ZNF90: variants seen among roughly 807,000 people sequenced by gnomAD.
ZNF90 encodes the protein zinc finger protein 90.
In ZNF90, 11 loss-of-function variants were observed where a neutral mutation model predicts 12.0. The observed-to-expected ratio is 0.92, with a 90% CI of 0.58 to 1.52. The LOEUF (loss-of-function observed/expected upper bound fraction) is 1.52. ZNF90 is among the 40% of genes most tolerant of loss of function. The pLI is 0.00. For missense variants in ZNF90, 765 were observed against 711.5 expected (o/e 1.08, Z -0.86); for synonymous variants, 232 against 240.1 (o/e 0.97, Z 0.31).
At chr19:20,113,605 G>A (rs759292782) in intron 3 of ZNF90, among the ~76,000 whole-genome samples, 5 of 152,036 alleles carry the variant, frequency 3.3e-5, no homozygotes, top group Non-Finnish European at 7.4e-5. Context: ...CAAGACGGGC[G>A]GATCATGAGG....
intron 3 of ZNF90, among the ~76,000 whole-genome samples, chr19:20,113,790 T>C (rs1205762298): frequency 6.6e-6 from 1 of 152,050 alleles, no homozygotes; most frequent in Non-Finnish European, 1.5e-5. Context: ...ATCGCGCCAC[T>C]GCACTCCAGC....
Position 20,119,204 on chromosome 19 carries a change from A to G in ZNF90, c.1650A>G (p.Ser550=). 1 of 1,613,818 alleles carries G rather than the reference A, an allele frequency of 6.2e-7. No individual in the cohort carries two copies. The highest frequency in any genetic ancestry group is 8.5e-7 in the Non-Finnish European group (1 of 1,179,916). The stretch of plus-strand genomic sequence containing the variant: ...GTGGCAAAGCCTTTAAGCGCTCCTC[A>G]CAGCTTACTAGTCATAAGATAAGTC... The part of the protein sequence containing the change: ...EECGKAFKRS[S]QLTSHKISHT... Residue 550 remains serine (S), a synonymous_variant, in exon 4 of 4, where the codon TCA becomes TCG. Transcript: ENST00000418063.
At chr19:20,082,606 C>T (rs993106015) in intron 1 of ZNF90, among the ~76,000 whole-genome samples, 1 of 152,172 alleles carries the variant, frequency 6.6e-6, no homozygotes, top group South Asian at 2.1e-4. Context: ...TCCCTAATCT[C>T]AAGTGCCCAG....
At chr19:20,106,044 CTTTTTTT>C (rs56933917) in intron 3 of ZNF90, among the ~76,000 whole-genome samples, 1,623 of 71,180 alleles carry the variant, frequency 0.023, 14 homozygotes, top group African/African-American at 0.078. Flanking sequence ...CTAATTTTTT[CTTTTTTT>C]TTTTTTTTTT....
chr19:20,107,823 A>G (rs1159327254), intron 3 of ZNF90, among the ~76,000 whole-genome samples: 3 of 152,188 alleles, frequency 2.0e-5, no homozygotes, highest in African/African-American at 7.2e-5. Flanking sequence ...AGTGAATTAC[A>G]TAATTATTGG....
In ZNF90 at chr19:20,118,263, GAATT is replaced by G. The variant is rs781905801; in HGVS notation, c.712_715del (p.Leu238SerfsTer28). ...GTACAAATGTGAAGATTGTGGCAAA[GAATT>G]AAAGTATTCCTCTACCCTTACTGCA... On this transcript the variant is annotated frameshift_variant, in exon 4 of 4. Transcript: ENST00000418063. LOFTEE classifies it low-confidence loss of function (END_TRUNC). 147 of 1,556,658 alleles carry G rather than the reference GAATT, an allele frequency of 9.4e-5. 1 individual carries two copies. In the East Asian group the frequency reaches 2.9e-3, roughly 30 times the overall value.
chr19:20,114,497 T>C (rs781178338), intron 3 of ZNF90, among the ~76,000 whole-genome samples: 16 of 152,212 alleles, frequency 1.1e-4, no homozygotes, highest in Non-Finnish European at 1.8e-4. Context: ...ATCTGTCTGT[T>C]TGTGGCTGGC....
chr19:20,117,484 G>A (rs2089150542), intron 3 of ZNF90: 5 of 323,304 alleles, frequency 1.5e-5, no homozygotes, highest in Non-Finnish European at 2.1e-5. Context: ...GCTGCCCAGG[G>A]TGGAGTGCAG....
rs2089174474 is a variant in ZNF90, at chr19:20,119,199, T to C, written c.1645T>C (p.Ser549Pro). ...CEECGKAFKR[S>P]SQLTSHKISH... ...AGAATGTGGCAAAGCCTTTAAGCGC[T>C]CCTCACAGCTTACTAGTCATAAGAT... The change falls in exon 4 of 4, where the codon TCC (serine) becomes CCC (proline). Residue 549 changes from serine (S) to proline (P), a missense_variant. Physicochemically the swap from Ser to Pro is moderately conservative, Grantham distance 74. Transcript: ENST00000418063. 6.2e-7 allele frequency: 1 copy of C among 1,613,728 alleles called. No individual in the cohort carries two copies. The highest frequency in any genetic ancestry group is 8.5e-7 in the Non-Finnish European group (1 of 1,179,880).
At chr19:20,093,871 G>A (rs1236334220) in intron 1 of ZNF90, among the ~76,000 whole-genome samples, 1 of 142,906 alleles carries the variant, frequency 7.0e-6, no homozygotes, top group Non-Finnish European at 1.6e-5. Flanking sequence ...AGGCGATCGG[G>A]CAATGTCAAT....
rs2089187627 is a variant in ZNF90, at chr19:20,120,691, TGAGTATAAA to T, written c.*1332_*1340del. ...TTCAGACATTACACTAAAACAGTGT[TGAGTATAAA>T]AAAGAATCCACAACAAAAATTGTTA... On this transcript the variant is annotated 3_prime_UTR_variant, in exon 4 of 4. Transcript: ENST00000418063. 1.3e-5 allele frequency: 2 copies of T among 152,172 alleles called. No individual in the cohort carries two copies. The highest frequency in any genetic ancestry group is 2.4e-5 in the African/African-American group (1 of 41,456). The allele number at this position is 152,172 out of a possible 1,614,324, so 9.4% of individuals were successfully genotyped here.
chr19:20,095,230 G>A (rs916493723), intron 1 of ZNF90, among the ~76,000 whole-genome samples: 14 of 152,108 alleles, frequency 9.2e-5, no homozygotes, highest in Admixed American at 2.6e-4. Flanking sequence ...ATGCCTGGAC[G>A]TAAGGCACCT....
At chr19:20,113,005 G>C (rs1191438587) in intron 3 of ZNF90, among the ~76,000 whole-genome samples, 1 of 151,894 alleles carries the variant, frequency 6.6e-6, no homozygotes, top group Non-Finnish European at 1.5e-5. Flanking sequence ...AATTGTATAT[G>C]ACAATATTTA....
chr19:20,104,590 T>C (rs537729148), intron 2 of ZNF90, among the ~76,000 whole-genome samples: 179 of 152,318 alleles, frequency 1.2e-3, no homozygotes, highest in African/African-American at 4.3e-3. Flanking sequence ...CACTCTAAAT[T>C]AGTGGTAATT....
intron 1 of ZNF90, among the ~76,000 whole-genome samples, chr19:20,099,643 C>G (rs566106890): frequency 6.6e-6 from 1 of 152,348 alleles, no homozygotes; most frequent in African/African-American, 2.4e-5. Context: ...TCACTAGATA[C>G]TTCTCCCAGC....
intron 1 of ZNF90, among the ~76,000 whole-genome samples, chr19:20,099,287 C>T (rs2088971768): frequency 6.6e-6 from 1 of 152,124 alleles, no homozygotes; most frequent in South Asian, 2.1e-4. Flanking sequence ...GATTCTCTTC[C>T]TTCAGCATCC....
intron 1 of ZNF90, among the ~76,000 whole-genome samples, chr19:20,081,708 G>A (rs10425448): frequency 0.097 from 14,663 of 151,884 alleles, 1,248 homozygotes; most frequent in East Asian, 0.24. Context: ...AAATCAGTCT[G>A]TTCATCTACA....
chr19:20,118,157 C>T lies in ZNF90; in HGVS notation c.603C>T (p.Cys201=). 1 of 1,610,584 alleles carries T rather than the reference C, an allele frequency of 6.2e-7. No homozygotes were observed. Among genetic ancestry groups the T allele is most frequent in the South Asian group, 1.1e-5 (1 of 90,974 alleles). Residue 201 remains cysteine (C), a synonymous_variant, in exon 4 of 4, where the codon TGC becomes TGT. Transcript: ENST00000418063. The part of the protein sequence containing the change: ...HKKIHTGEIT[C]KCEECGKAFN... ...AAATTCATACTGGAGAGATAACCTG[C>T]AAATGTGAAGAATGTGGCAAAGCCT...
chr19:20,112,227 AT>A (rs2089095983), intron 3 of ZNF90, among the ~76,000 whole-genome samples: 1 of 139,472 alleles, frequency 7.2e-6, no homozygotes, highest in East Asian at 2.2e-4. Flanking sequence ...ATGTATAATA[AT>A]TTTGATTTTT....
Sources: allele counts gnomAD v4.1 joint callset (sites outside exome capture counted in the v4.1 genomes callset), GRCh38; gene constraint gnomAD v4.1.1; transcripts MANE v1.5; gene names NCBI Gene and HGNC (gene_info 2026-07-23, HGNC 2026-07-21).